Variants in AVL9 observed in about 807,000 individuals in gnomAD.
AVL9 encodes late secretory pathway protein AVL9 homolog.
AVL9 carries 49 observed loss-of-function variants against 79.2 expected under a neutral mutation model. The observed-to-expected ratio is 0.62, with a 90% CI of 0.49 to 0.79. The LOEUF (loss-of-function observed/expected upper bound fraction) is 0.79, where lower values mean the gene tolerates loss of function less well. AVL9 is among the 30% of genes least tolerant of loss of function. AVL9 has a pLI of 0.00. For missense variants in AVL9, 682 were observed against 776.8 expected (o/e 0.88, Z 1.45); for synonymous variants, 299 against 280.6 (o/e 1.07, Z -0.65).
In AVL9 at chr7:32,566,180, A is replaced by ATCTTTTTTTTTTTTTTTTTTTTTTTTTT. The variant is rs70992731; in HGVS notation, c.1216-3839_1216-3838insCTTTTTTTTTTTTTTTTTTTTTTTTTTT. ...TAAAAAAATTTTAATTATTATTATT[A>ATCTTTTTTTTTTTTTTTTTTTTTTTTTT]TTTTTTTTTTTTGGAGACAAGGTCT... On this transcript the variant is annotated intron_variant, in intron 10 of 15. Coordinates refer to ENST00000318709, the MANE Select transcript of AVL9 (RefSeq NM_015060.3). Among the ~76,000 whole-genome samples, 22 of 93,878 alleles carry ATCTTTTTTTTTTTTTTTTTTTTTTTTTT rather than the reference A, an allele frequency of 2.3e-4. 6 individuals are homozygous for ATCTTTTTTTTTTTTTTTTTTTTTTTTTT. The highest frequency in any genetic ancestry group is 6.6e-4 in the East Asian group (2 of 3,028). The allele number at this position is 93,878 out of a possible 152,430, so 61.6% of individuals were successfully genotyped here.
intron 10 of AVL9, among the ~76,000 whole-genome samples, chr7:32,564,787 G>A (rs1010008457): frequency 6.6e-6 from 1 of 152,184 alleles, no homozygotes; most frequent in Non-Finnish European, 1.5e-5. Flanking sequence ...TAAGAGGCGG[G>A]GCTAGAGGCA....
chr7:32,540,871 C>T (rs1410645751), intron 1 of AVL9, among the ~76,000 whole-genome samples: 7 of 72,468 alleles, frequency 9.7e-5, no homozygotes, highest in African/African-American at 3.4e-4. Flanking sequence ...TGTTGTACTA[C>T]TTTTTTTTTT....
At chr7:32,528,209 G>C (rs1344028239) in intron 1 of AVL9, among the ~76,000 whole-genome samples, 1 of 152,008 alleles carries the variant, frequency 6.6e-6, no homozygotes, top group Non-Finnish European at 1.5e-5. Context: ...CCACGCCTTC[G>C]AGTTGTCTCG....
At chr7:32,553,578 C>T in intron 6 of AVL9, 149 bp from the exon 7 acceptor site, 6 of 615,138 alleles carry the variant, frequency 9.8e-6, no homozygotes, top group Non-Finnish European at 1.7e-5. Context: ...ATATGTGTAC[C>T]TAATCAAACA....
At chr7:32,501,044 A>G (rs1300465919) in intron 1 of AVL9, among the ~76,000 whole-genome samples, 2 of 152,258 alleles carry the variant, frequency 1.3e-5, no homozygotes, top group Non-Finnish European at 2.9e-5. Context: ...AACCAGCAGC[A>G]GTGAAGAAAA....
At chr7:32,551,167 G>A (rs752132782) in intron 4 of AVL9, among the ~76,000 whole-genome samples, 167 bp from the exon 5 acceptor site, 2 of 152,156 alleles carry the variant, frequency 1.3e-5, no homozygotes, top group African/African-American at 2.4e-5. Flanking sequence ...AAGAACAGAT[G>A]ACTTCACGGC....
At chr7:32,579,431 T>TA (rs1791285722) in intron 13 of AVL9, among the ~76,000 whole-genome samples, 53 of 1,828 alleles carry the variant, frequency 0.029, 9 homozygotes, top group African/African-American at 0.091. Flanking sequence ...ATATATAATA[T>TA]ATATATTATA....
chr7:32,531,130 C>T (rs1306805892), intron 1 of AVL9, among the ~76,000 whole-genome samples: 2 of 152,102 alleles, frequency 1.3e-5, no homozygotes, highest in African/African-American at 4.8e-5. Flanking sequence ...TTCTCATTGG[C>T]TTACAGAAAT....
intron 1 of AVL9, chr7:32,538,946 T>C (rs1375774908): frequency 1.4e-5 from 2 of 147,702 alleles, no homozygotes; most frequent in Admixed American, 1.4e-4. Context: ...AATGCTAATA[T>C]GGGTTATTAA....
intron 13 of AVL9, among the ~76,000 whole-genome samples, chr7:32,579,630 C>T (rs1791408701): frequency 5.8e-5 from 3 of 52,046 alleles, no homozygotes; most frequent in African/African-American, 7.9e-5. Flanking sequence ...ATATATAATA[C>T]ACTTTTTTCT....
intron 1 of AVL9, among the ~76,000 whole-genome samples, chr7:32,531,192 T>G (rs13242874): frequency 0.36 from 54,275 of 151,946 alleles, 10,182 homozygotes; most frequent in African/African-American, 0.46. Context: ...GTGTAACGCA[T>G]TTTTTGGCTA....
chr7:32,513,721 G>A (rs944865361), intron 1 of AVL9, among the ~76,000 whole-genome samples: 1 of 152,206 alleles, frequency 6.6e-6, no homozygotes. Flanking sequence ...AGTGGGCCCA[G>A]GGGACCAGCG....
chr7:32,519,990 C>T (rs1448464402), intron 1 of AVL9, among the ~76,000 whole-genome samples: 1 of 152,168 alleles, frequency 6.6e-6, no homozygotes. Flanking sequence ...TGAGAACTCA[C>T]TATCACAAGA....
rs1185481709 is a variant in AVL9, at chr7:32,573,355, G to C, written c.1507G>C (p.Glu503Gln). The C allele has an allele frequency of 6.2e-7, 1 of 1,613,634 alleles. No individual in the cohort carries two copies. Among genetic ancestry groups the C allele is most frequent in the African/African-American group, 1.3e-5 (1 of 74,772 alleles). ...LDGTGWEGGD[E>Q]WIRAQFAVYI... ...TGGCACGGGCTGGGAGGGAGGTGAC[G>C]AATGGATCCGGGCCCAGTTTGCGGT... Residue 503 changes from glutamate to glutamine, a missense_variant, in exon 12 of 16, where the codon GAA (glutamate) becomes CAA (glutamine). Physicochemically the swap from Glu to Gln is conservative, Grantham distance 29. Coordinates refer to ENST00000318709, the MANE Select transcript of AVL9 (RefSeq NM_015060.3).
chr7:32,583,663 A>G (rs1420092953), intron 15 of AVL9, 129 bp from the exon 16 acceptor site: 1 of 588,902 alleles, frequency 1.7e-6, no homozygotes, highest in East Asian at 3.1e-5. Context: ...TGGGCGACAG[A>G]GTAAGACGCT....
Position 32,566,180 on chromosome 7 carries a change from A to ATCTTTTTTTTTTCTTTTT in AVL9, c.1216-3839_1216-3838insCTTTTTTTTTTCTTTTTT. Among the ~76,000 whole-genome samples, 2 of 93,878 alleles carry ATCTTTTTTTTTTCTTTTT rather than the reference A, an allele frequency of 2.1e-5. 1 individual carries two copies. The highest frequency in any genetic ancestry group is 4.0e-5 in the Non-Finnish European group (2 of 49,476). The allele number at this position is 93,878 out of a possible 152,430, so 61.6% of individuals were successfully genotyped here. On this transcript the variant is annotated intron_variant, in intron 10 of 15. Coordinates refer to ENST00000318709, the MANE Select transcript of AVL9 (RefSeq NM_015060.3). ...TAAAAAAATTTTAATTATTATTATT[A>ATCTTTTTTTTTTCTTTTT]TTTTTTTTTTTTGGAGACAAGGTCT...
chr7:32,585,474 CAGAG>C lies in AVL9; in HGVS notation c.*1570_*1573del, dbSNP rs758889175. 1.8e-4 allele frequency: 28 copies of C among 152,152 alleles called. No individual in the cohort carries two copies. Among genetic ancestry groups the C allele is most frequent in the Non-Finnish European group, 3.2e-4 (22 of 68,038 alleles). 9.4% of individuals were successfully genotyped at this position (152,152 alleles called of 1,614,324 possible). ...CAAGGATACCTGGGATGGCTGTTCTCAGAGAGTACTTACGGGGAACAGACTGCCT... is the reference window on the plus strand; with the variant it reads ...CAAGGATACCTGGGATGGCTGTTCTCAGTACTTACGGGGAACAGACTGCCT... On this transcript the variant is annotated 3_prime_UTR_variant, in exon 16 of 16. Coordinates refer to ENST00000318709, the MANE Select transcript of AVL9 (RefSeq NM_015060.3).
rs920080300 is a variant in AVL9, at chr7:32,548,983, G to A, written c.372+65G>A. 14 of 1,033,754 alleles carry A rather than the reference G, an allele frequency of 1.4e-5. No homozygotes were observed. In the African/African-American group the frequency reaches 2.3e-4, roughly 17 times the overall value. The allele number at this position is 1,033,754 out of a possible 1,614,324, so 64.0% of individuals were successfully genotyped here. ...ATGGCAGATCTTTCTTTAAGGATAA[G>A]GCACTATTAGAATAAGAAGAGATTT... is the stretch of plus-strand genomic sequence containing the variant. On this transcript the variant is annotated intron_variant, in intron 4 of 15. Transcript: ENST00000318709.
intron 10 of AVL9, among the ~76,000 whole-genome samples, chr7:32,560,335 A>C (rs1790279800): frequency 6.6e-6 from 1 of 151,860 alleles, no homozygotes; most frequent in African/African-American, 2.4e-5. Context: ...TTAATTATTA[A>C]ATAATTTTTA....
Sources: gnomAD v4.1 joint callset for allele counts (sites outside exome capture counted in the v4.1 genomes callset) on GRCh38, gnomAD v4.1.1 for gene constraint, MANE v1.5 for transcripts, NCBI Gene and HGNC (gene_info 2026-07-23, HGNC 2026-07-21) for gene names.